The following TBKBP1 variants were observed in gnomAD, a reference collection of about 807,000 sequenced individuals.
TBKBP1 encodes the protein TANK-binding kinase 1-binding protein 1.
A neutral mutation model predicts 69.9 loss-of-function variants in TBKBP1; 47 were observed. The observed-to-expected ratio is 0.67, with a 90% CI of 0.53 to 0.86. The LOEUF is 0.86. TBKBP1 is among the 40% of genes least tolerant of loss of function. The pLI, the probability that TBKBP1 is intolerant of heterozygous loss-of-function variation, is 0.00. For synonymous variants in TBKBP1, 418 were observed against 390.3 expected (o/e 1.07, Z -0.84); for missense variants, 831 against 858.6 (o/e 0.97, Z 0.40).
At chr17:47,698,833 C>A in intron 5 of TBKBP1, 58 bp downstream of exon 5, 1 of 1,412,408 alleles carries the variant, frequency 7.1e-7, no homozygotes, top group Non-Finnish European at 9.5e-7. Flanking sequence ...TTCAACATTC[C>A]TAGACACCTC....
rs926018141 is a variant in TBKBP1 at position 47,711,776 on chromosome 17, T to C, written c.*1150T>C. The stretch of plus-strand genomic sequence containing the variant: ...TCCACCCTGCTCCACTGCGCGCCTC[T>C]CCCAGGTCTCAGCTCTGGGTGGGGA... On this transcript the variant is annotated 3_prime_UTR_variant, in exon 10 of 10. Coordinates refer to ENST00000578982, the MANE Select transcript of TBKBP1 (RefSeq NM_001394755.1). The C allele has an allele frequency of 1.3e-5, 2 of 152,418 alleles. No individual in the cohort carries two copies. Among genetic ancestry groups the C allele is most frequent in the Admixed American group, 6.5e-5 (1 of 15,270 alleles). The allele number at this position is 152,418 out of a possible 1,614,324, so 9.4% of individuals were successfully genotyped here.
chr17:47,696,705 CT>C lies in TBKBP1; in HGVS notation c.226-5del. 6.2e-7 allele frequency: 1 copy of C among 1,613,816 alleles called. No homozygotes were observed. The highest frequency in any genetic ancestry group is 8.5e-7 in the Non-Finnish European group (1 of 1,179,772). ...CCACTCTCCTGAAGCTCCACCCCACCTGCAGTACCCACTGATCAGTGACTTT... is the reference window on the plus strand; with the variant it reads ...CCACTCTCCTGAAGCTCCACCCCACCGCAGTACCCACTGATCAGTGACTTT... On this transcript the variant is annotated splice_polypyrimidine_tract_variant and splice_region_variant and intron_variant, in intron 2 of 9. Transcript: ENST00000578982.
intron 7 of TBKBP1, among the ~76,000 whole-genome samples, chr17:47,701,127 C>T (rs1179160938): frequency 6.6e-6 from 1 of 152,146 alleles, no homozygotes; most frequent in Non-Finnish European, 1.5e-5. Context: ...TATCTGCCTC[C>T]CAGCTTCTGG....
rs768135711 is a variant in TBKBP1 at position 47,708,494 on chromosome 17, G to C, written c.973G>C (p.Glu325Gln). The C allele has an allele frequency of 2.5e-6, 4 of 1,613,880 alleles. No homozygotes were observed. In the South Asian group the frequency reaches 4.4e-5, roughly 18 times the overall value. The change falls in exon 8 of 10, where the codon GAA becomes CAA. Residue 325 changes from glutamate (E) to glutamine (Q), a missense_variant. Physicochemically the swap from Glu to Gln is conservative, Grantham distance 29. Transcript: ENST00000578982. The surrounding 1 kb of genome is among the most constrained non-coding windows in gnomAD (Gnocchi z 4.4). ...GAGAATCTTGAGGACTCTGTTGCAG[G>C]AACAGGCCCGGAGTGGCGGTGAGAT... is the stretch of plus-strand genomic sequence containing the variant. ...QGRILRTLLQ[E>Q]QARSGGQRHS... is the part of the protein sequence containing the mutation.
At chr17:47,700,165 A>AT (rs1284353237) in intron 7 of TBKBP1, among the ~76,000 whole-genome samples, 1 of 148,912 alleles carries the variant, frequency 6.7e-6, no homozygotes, top group African/African-American at 2.5e-5. Context: ...TTTTTTTTGT[A>AT]TTTTTAGTAG....
chr17:47,702,482 G>A (rs778908524), intron 7 of TBKBP1, among the ~76,000 whole-genome samples: 10 of 152,018 alleles, frequency 6.6e-5, no homozygotes, highest in South Asian at 2.1e-4. Flanking sequence ...GTTTTATTGC[G>A]GGAGTCCTCA....
At chr17:47,700,289 C>CTTGTTTTTTTTTTTTT (rs2031445503) in intron 7 of TBKBP1, among the ~76,000 whole-genome samples, 1 of 41,464 alleles carries the variant, frequency 2.4e-5, no homozygotes, top group Non-Finnish European at 4.4e-5. Context: ...GCGCCCGGAC[C>CTTGTTTTTTTTTTTTT]TTTTTTTTTT....
intron 7 of TBKBP1, among the ~76,000 whole-genome samples, chr17:47,700,132 G>A (rs2031434878): frequency 6.6e-6 from 1 of 151,170 alleles, no homozygotes; most frequent in Admixed American, 6.6e-5. Flanking sequence ...GACTACAGGC[G>A]CTCGCCACTA....
In TBKBP1 at chr17:47,700,832, G is replaced by C. The variant is rs188657719; in HGVS notation, c.872+1135G>C. ...GGGGGCCCAGTGCTGGGGCCTCCAGGGGGGCACTGGACAGCAAGGGAGGGG... is the reference window on the plus strand; with the variant it reads ...GGGGGCCCAGTGCTGGGGCCTCCAGCGGGGCACTGGACAGCAAGGGAGGGG... On this transcript the variant is annotated intron_variant, in intron 7 of 9. Coordinates refer to ENST00000578982, the MANE Select transcript of TBKBP1 (RefSeq NM_001394755.1). Among the ~76,000 whole-genome samples, 854 of 152,234 alleles carry C rather than the reference G, an allele frequency of 5.6e-3. 3 individuals are homozygous for C. The highest frequency in any genetic ancestry group is 7.8e-3 in the Admixed American group (120 of 15,308).
rs756519745 is a variant in TBKBP1 at position 47,708,496 on chromosome 17, A to C, written c.975A>C (p.Glu325Asp). Reference sequence around the variant, plus strand: ...GAATCTTGAGGACTCTGTTGCAGGAACAGGCCCGGAGTGGCGGTGAGATGG... The same window carrying C: ...GAATCTTGAGGACTCTGTTGCAGGACCAGGCCCGGAGTGGCGGTGAGATGG... ...QGRILRTLLQ[E>D]QARSGGQRHS... Residue 325 changes from glutamate to aspartate, a missense_variant, in exon 8 of 10, where the codon GAA becomes GAC. Physicochemically the swap from Glu to Asp is conservative, Grantham distance 45. Coordinates refer to ENST00000578982, the MANE Select transcript of TBKBP1 (RefSeq NM_001394755.1). This position sits in a 1 kb window ranked among gnomAD's most constrained non-coding sequence, Gnocchi z 4.4. The C allele has an allele frequency of 2.0e-5, 32 of 1,613,684 alleles. No individual in the cohort carries two copies. In the Admixed American group the frequency reaches 5.3e-4, roughly 27 times the overall value.
At chr17:47,695,991 G>A in intron 1 of TBKBP1, 88 bp from the exon 2 acceptor site, 1 of 741,672 alleles carries the variant, frequency 1.3e-6, no homozygotes, top group East Asian at 2.7e-5. Flanking sequence ...ATCTTAGCCG[G>A]CCCCAGGGAG....
chr17:47,710,476 T>C (rs1475740987), intron 9 of TBKBP1, 22 bp from the exon 10 acceptor site: 22 of 1,597,044 alleles, frequency 1.4e-5, no homozygotes, highest in Non-Finnish European at 1.9e-5. Context: ...GGACCATAAG[T>C]GACTTCCTTC....
At chr17:47,704,855 C>T (rs1304313973) in intron 7 of TBKBP1, among the ~76,000 whole-genome samples, 2 of 152,190 alleles carry the variant, frequency 1.3e-5, no homozygotes, top group South Asian at 2.1e-4. Flanking sequence ...TGAAAGGATG[C>T]GAAGCGTGGA....
chr17:47,696,256 C>T lies in TBKBP1; in HGVS notation c.144C>T (p.Tyr48=), dbSNP rs1406624626. Residue 48 remains tyrosine (Y), a synonymous_variant, in exon 2 of 10, where the codon TAC becomes TAT. Coordinates refer to ENST00000578982, the MANE Select transcript of TBKBP1 (RefSeq NM_001394755.1). The part of the protein sequence containing the change: ...SASHFALITA[Y]GDIKERLGGL... ...CCCACTTTGCCCTCATCACTGCTTA[C>T]GGAGACATCAAGGAACGGCTGGGGG... 8 of 1,613,578 alleles carry T rather than the reference C, an allele frequency of 5.0e-6. No individual in the cohort carries two copies. Among genetic ancestry groups the T allele is most frequent in the African/African-American group, 2.7e-5 (2 of 74,900 alleles).
intron 7 of TBKBP1, among the ~76,000 whole-genome samples, chr17:47,704,233 C>T (rs4439799): frequency 0.47 from 70,748 of 152,006 alleles, 16,752 homozygotes; most frequent in Non-Finnish European, 0.5. Flanking sequence ...CTGGTGGATT[C>T]GTGGCAGGGG....
At chr17:47,696,656 G>GGCCT (rs1424908779) in intron 2 of TBKBP1, 55 bp from the exon 3 acceptor site, 1 of 1,612,874 alleles carries the variant, frequency 6.2e-7, no homozygotes. Flanking sequence ...GCCAGGCTGA[G>GGCCT]GCCTGGGCTG....
chr17:47,702,322 T>C (rs971651530), intron 7 of TBKBP1, among the ~76,000 whole-genome samples: 5 of 152,030 alleles, frequency 3.3e-5, no homozygotes, highest in Admixed American at 1.3e-4. Flanking sequence ...TGGGGTGTGA[T>C]TGGGGTGAGG....
rs780471982 is a variant in TBKBP1, at chr17:47,710,483, C to G, written c.1720-15C>G. The G allele has an allele frequency of 2.5e-6, 4 of 1,600,804 alleles. No individual in the cohort carries two copies. In the South Asian group the frequency reaches 4.4e-5, roughly 18 times the overall value. On this transcript the variant is annotated splice_polypyrimidine_tract_variant and intron_variant, in intron 9 of 9. Coordinates refer to ENST00000578982, the MANE Select transcript of TBKBP1 (RefSeq NM_001394755.1). ...GGGGCTGGGGACCATAAGTGACTTC[C>G]TTCTCTCTCGACAGTTGCTGATGGA...
chr17:47,709,473 C>T, intron 9 of TBKBP1, 21 bp downstream of exon 9: 1 of 1,492,650 alleles, frequency 6.7e-7, no homozygotes, highest in Non-Finnish European at 8.9e-7. Context: ...CGCCCGCGTT[C>T]CGCCCACCCC....
Sources: allele counts gnomAD v4.1 joint callset (sites outside exome capture counted in the v4.1 genomes callset), GRCh38; gene constraint gnomAD v4.1.1; non-coding constraint Gnocchi (gnomAD v3.1); transcripts MANE v1.5; gene names NCBI Gene and HGNC (gene_info 2026-07-23, HGNC 2026-07-21).